The following EPHA4 variants were observed in gnomAD, a reference collection of about 807,000 sequenced individuals.
EPHA4 encodes the protein EPH receptor A4, also known as ephrin type-A receptor 4.
EPHA4 carries 19 observed loss-of-function variants against 108.3 expected under a neutral mutation model. The observed-to-expected ratio is 0.18, with a 90% CI of 0.12 to 0.26. The LOEUF (loss-of-function observed/expected upper bound fraction) is 0.26, where lower values mean the gene tolerates loss of function less well. Ranked by LOEUF, EPHA4 falls within the 10% of genes least tolerant of loss-of-function variation. The pLI, the probability that EPHA4 is intolerant of heterozygous loss-of-function variation, is 1.00. For missense variants in EPHA4, 917 were observed against 1,254.0 expected (o/e 0.73, Z 4.06); for synonymous variants, 449 against 455.5 (o/e 0.99, Z 0.18).
intron 12 of EPHA4, 101 bp from the exon 13 acceptor site, chr2:221,436,709 T>C: frequency 8.4e-7 from 1 of 1,195,146 alleles, no homozygotes. Flanking sequence ...CTGTATCCGG[T>C]ATGCAATGAA....
At chr2:221,422,259 G>A (rs1280866898) in intron 17 of EPHA4, among the ~76,000 whole-genome samples, 3 of 152,194 alleles carry the variant, frequency 2.0e-5, no homozygotes, top group African/African-American at 7.2e-5. Context: ...AAACCTGAAT[G>A]TGAAGGGATT....
chr2:221,452,833 T>C (rs1240455431), intron 8 of EPHA4, among the ~76,000 whole-genome samples: 3 of 152,118 alleles, frequency 2.0e-5, no homozygotes, highest in African/African-American at 4.8e-5. Flanking sequence ...TCCTGCCTTA[T>C]ATAATAAAGT....
chr2:221,527,351 TAAG>T (rs923123880), intron 3 of EPHA4, among the ~76,000 whole-genome samples: 10 of 152,114 alleles, frequency 6.6e-5, no homozygotes, highest in Non-Finnish European at 1.3e-4. Context: ...CAGAAAATAT[TAAG>T]AAGAAGGGGA....
chr2:221,465,809 A>G (rs1389951855), intron 5 of EPHA4, among the ~76,000 whole-genome samples: 1 of 152,190 alleles, frequency 6.6e-6, no homozygotes, highest in African/African-American at 2.4e-5. Context: ...ATAAATTTCT[A>G]TTGCAATAAC....
intron 4 of EPHA4, among the ~76,000 whole-genome samples, chr2:221,487,044 A>C (rs1253078700): frequency 6.6e-6 from 1 of 151,902 alleles, no homozygotes; most frequent in African/African-American, 2.4e-5. Context: ...TCTTTTTTTC[A>C]TGGTTTAGAA....
intron 1 of EPHA4, chr2:221,569,546 G>A (rs72965055): frequency 0.014 from 2,091 of 152,338 alleles, 20 homozygotes; most frequent in South Asian, 0.034. Flanking sequence ...TCAAAGCTTG[G>A]GGGGAAGGGA....
intron 3 of EPHA4, among the ~76,000 whole-genome samples, chr2:221,538,839 C>T (rs1693748357): frequency 6.6e-6 from 1 of 152,150 alleles, no homozygotes; most frequent in South Asian, 2.1e-4. Context: ...TTTACATTTT[C>T]CTTTTTACAT....
intron 3 of EPHA4, among the ~76,000 whole-genome samples, chr2:221,546,159 G>T (rs530045201): frequency 1.5e-4 from 23 of 152,270 alleles, no homozygotes; most frequent in Middle Eastern, 3.4e-3. Flanking sequence ...GATATATCCA[G>T]GCATTCAAGC....
intron 3 of EPHA4, among the ~76,000 whole-genome samples, chr2:221,536,214 T>C (rs1033352790): frequency 6.6e-5 from 10 of 152,220 alleles, no homozygotes; most frequent in Non-Finnish European, 1.3e-4. Context: ...ATTTTCTAGA[T>C]GAGGAAACTA....
chr2:221,438,404 GCTT>G (rs1344081397), intron 11 of EPHA4, among the ~76,000 whole-genome samples: 2 of 150,902 alleles, frequency 1.3e-5, no homozygotes, highest in Non-Finnish European at 3.0e-5. Flanking sequence ...GTTTTTTTTT[GCTT>G]TGTTTTGTTT....
intron 5 of EPHA4, among the ~76,000 whole-genome samples, chr2:221,463,555 G>A (rs994344107): frequency 6.6e-6 from 1 of 152,136 alleles, no homozygotes. Context: ...TCTAACAGTG[G>A]TGCATTTCAC....
chr2:221,558,943 A>G (rs539500200), intron 3 of EPHA4, among the ~76,000 whole-genome samples: 14 of 152,372 alleles, frequency 9.2e-5, no homozygotes, highest in Admixed American at 9.1e-4. Flanking sequence ...TGCAAAGGAT[A>G]TGGAAGCAGC....
chr2:221,539,944 G>A (rs1427373563), intron 3 of EPHA4, among the ~76,000 whole-genome samples: 1 of 152,060 alleles, frequency 6.6e-6, no homozygotes, highest in Non-Finnish European at 1.5e-5. Context: ...CTGAGATGGA[G>A]TCTCACTCTG....
At chr2:221,540,932 C>CT (rs762353327) in intron 3 of EPHA4, among the ~76,000 whole-genome samples, 5,917 of 120,606 alleles carry the variant, frequency 0.049, 320 homozygotes, top group East Asian at 0.19. Context: ...GGAAAACTGT[C>CT]TTTTTTTTTT....
chr2:221,429,522 A>G (rs143788532), intron 15 of EPHA4, among the ~76,000 whole-genome samples: 1 of 152,224 alleles, frequency 6.6e-6, no homozygotes, highest in African/African-American at 2.4e-5. Flanking sequence ...TACAATTAAC[A>G]CTTTATAAAT....
intron 4 of EPHA4, among the ~76,000 whole-genome samples, chr2:221,492,504 T>G (rs1299828885): frequency 6.6e-6 from 1 of 152,186 alleles, no homozygotes; most frequent in Non-Finnish European, 1.5e-5. Flanking sequence ...CACCTGGTGA[T>G]CTTTCTCCCT....
At chr2:221,535,483 A>G (rs1693641896) in intron 3 of EPHA4, among the ~76,000 whole-genome samples, 1 of 152,210 alleles carries the variant, frequency 6.6e-6, no homozygotes, top group Admixed American at 6.5e-5. Context: ...CCCAAATCCC[A>G]AATCTAAATA....
At chr2:221,427,563 T>C (rs1051998500) in intron 15 of EPHA4, among the ~76,000 whole-genome samples, 1 of 152,226 alleles carries the variant, frequency 6.6e-6, no homozygotes, top group Admixed American at 6.5e-5. Flanking sequence ...CCTTTACTTA[T>C]AATAACCTGT....
chr2:221,500,322 T>C (rs181035535), intron 4 of EPHA4, among the ~76,000 whole-genome samples: 32 of 152,204 alleles, frequency 2.1e-4, no homozygotes, highest in African/African-American at 7.5e-4. Context: ...ATGGGCCCAG[T>C]GCTCCCCATT....
Sources: gnomAD v4.1 joint callset for allele counts (sites outside exome capture counted in the v4.1 genomes callset) on GRCh38, gnomAD v4.1.1 for gene constraint, MANE v1.5 for transcripts, NCBI Gene and HGNC (gene_info 2026-07-23, HGNC 2026-07-21) for gene names.